SGSM1: variants seen among roughly 807,000 people sequenced by gnomAD.
SGSM1 encodes small G protein signaling modulator 1.
SGSM1 carries 73 observed loss-of-function variants against 133.8 expected under a neutral mutation model. That is an observed-to-expected ratio of 0.55 (90% CI 0.45 to 0.66). The LOEUF (loss-of-function observed/expected upper bound fraction) is 0.66. Among genes scored for constraint, SGSM1 ranks in the 30% least tolerant of loss-of-function variants. The probability of loss-of-function intolerance (pLI) is 0.00; values close to 1 mark genes in which losing one functional copy is unlikely to be tolerated. For synonymous variants in SGSM1, 563 were observed against 573.0 expected (o/e 0.98, Z 0.25); for missense variants, 1,213 against 1,448.1 (o/e 0.84, Z 2.64).
chr22:24,901,198 T>C (rs1933148833), intron 19 of SGSM1: 1 of 152,140 alleles, frequency 6.6e-6, no homozygotes. Flanking sequence ...GGATGAAAAA[T>C]ATTGCTGTCA....
At chr22:24,874,608 G>A in intron 12 of SGSM1, 2 of 1,549,572 alleles carry the variant, frequency 1.3e-6, no homozygotes, top group East Asian at 2.4e-5. Context: ...CCGTCCCCAG[G>A]GGCTGGGTGC....
chr22:24,889,052 C>G (rs139725), intron 16 of SGSM1, among the ~76,000 whole-genome samples: 26,552 of 149,924 alleles, frequency 0.18, 2,437 homozygotes, highest in Middle Eastern at 0.26. Flanking sequence ...ACCTCCACCT[C>G]CCAGGTTCAA....
In SGSM1 at chr22:24,867,074, A is replaced by G. The variant is rs538500474; in HGVS notation, c.927-19A>G. 40 of 1,612,036 alleles carry G rather than the reference A, an allele frequency of 2.5e-5. No homozygotes were observed. The highest frequency in any genetic ancestry group is 3.3e-5 in the Non-Finnish European group (39 of 1,179,354). Reference sequence around the variant, plus strand: ...GGTAGGCAGAAGTCCTGCAAGCCTGACCCTCCGTCCGCTTCCAGCGTCTAC... The same window carrying G: ...GGTAGGCAGAAGTCCTGCAAGCCTGGCCCTCCGTCCGCTTCCAGCGTCTAC... On this transcript the variant is annotated intron_variant, in intron 9 of 24. Coordinates refer to ENST00000400358, the MANE Select transcript of SGSM1 (RefSeq NM_001098497.3).
At chr22:24,811,774 C>T (rs1330364365) in intron 2 of SGSM1, among the ~76,000 whole-genome samples, 1 of 150,794 alleles carries the variant, frequency 6.6e-6, no homozygotes, top group Non-Finnish European at 1.5e-5. Flanking sequence ...GAGGCTGAGG[C>T]AGGAGGATCC....
At chr22:24,896,609 TTTA>T (rs1020621542) in intron 18 of SGSM1, among the ~76,000 whole-genome samples, 5 of 150,084 alleles carry the variant, frequency 3.3e-5, no homozygotes, top group Non-Finnish European at 5.9e-5. Context: ...ATAGGGTTTT[TTTA>T]TTTTTTGTTT....
At chr22:24,807,788 C>T (rs1018044710) in intron 2 of SGSM1, among the ~76,000 whole-genome samples, 1 of 151,900 alleles carries the variant, frequency 6.6e-6, no homozygotes, top group African/African-American at 2.4e-5. Context: ...CACTGATGAC[C>T]CCTCCTTCCC....
intron 4 of SGSM1, among the ~76,000 whole-genome samples, 185 bp from the exon 5 acceptor site, chr22:24,850,095 C>T (rs1335913756): frequency 6.6e-6 from 1 of 152,172 alleles, no homozygotes; most frequent in Non-Finnish European, 1.5e-5. Flanking sequence ...ACCACATCTG[C>T]ACACTCACTG....
Position 24,867,132 on chromosome 22 carries a change from G to C in SGSM1, c.966G>C (p.Glu322Asp), listed in dbSNP as rs1309412424. The C allele has an allele frequency of 1.2e-6, 2 of 1,613,792 alleles. No homozygotes were observed. Among genetic ancestry groups the C allele is most frequent in the Non-Finnish European group, 1.7e-6 (2 of 1,179,894 alleles). ...ATGCCATGACCATCCGCTTGGAGGA[G>C]ATTGTCTACCTGCACTGCCACCAGC... ...WDYAMTIRLE[E>D]IVYLHCHQQV... The change falls in exon 10 of 25, where the codon GAG (glutamate) becomes GAC (aspartate). Residue 322 changes from glutamate to aspartate, a missense_variant. Glu to Asp is a conservative substitution (Grantham distance 45). Transcript: ENST00000400358.
rs143659758 is a variant in SGSM1 at position 24,837,137 on chromosome 22, G to A, written c.64-7760G>A. ...CGGGGGACCACTACCACCAATGCAC[G>A]GAGACCGGTAGTGGCCCCAAATGTC... On this transcript the variant is annotated intron_variant, in intron 2 of 24. Transcript: ENST00000400358. 8.8e-3 allele frequency among the ~76,000 whole-genome samples: 1,341 copies of A among 152,234 alleles called. 18 individuals carry two copies. Among genetic ancestry groups the A allele is most frequent in the African/African-American group, 0.03 (1,228 of 41,536 alleles).
chr22:24,903,325 C>G (rs1375111642), intron 20 of SGSM1, among the ~76,000 whole-genome samples: 7 of 151,808 alleles, frequency 4.6e-5, no homozygotes, highest in Non-Finnish European at 1.0e-4. Flanking sequence ...TCTCCTACCT[C>G]AGCCTCCCGA....
At chr22:24,868,951 T>C (rs1931619232) in intron 12 of SGSM1, 96 bp downstream of exon 12, 1 of 1,513,674 alleles carries the variant, frequency 6.6e-7, no homozygotes, top group Non-Finnish European at 8.9e-7. Context: ...AGGTCTGGAT[T>C]CTGGGGCTAA....
At chr22:24,837,084 A>G (rs1395419825) in intron 2 of SGSM1, among the ~76,000 whole-genome samples, 6 of 152,178 alleles carry the variant, frequency 3.9e-5, no homozygotes, top group Non-Finnish European at 7.3e-5. Context: ...ACACAAGACA[A>G]AGAGACAAGA....
intron 2 of SGSM1, among the ~76,000 whole-genome samples, chr22:24,832,997 C>T (rs1304493494): frequency 1.3e-5 from 2 of 151,316 alleles, no homozygotes; most frequent in Admixed American, 6.6e-5. Flanking sequence ...GACAGTGGCG[C>T]GATCTTGGCT....
chr22:24,881,249 T>G, intron 14 of SGSM1, among the ~76,000 whole-genome samples: 2 of 133,810 alleles, frequency 1.5e-5, no homozygotes, highest in Non-Finnish European at 3.1e-5. Context: ...CCTAGGGTTG[T>G]GGGGAGAATG....
rs889410375 is a variant in SGSM1, at chr22:24,818,265, C to CA, written c.63+11787dup. 2.1e-3 allele frequency among the ~76,000 whole-genome samples: 315 copies of CA among 151,404 alleles called. 1 individual carries two copies. Among genetic ancestry groups the CA allele is most frequent in the African/African-American group, 6.9e-3 (285 of 41,098 alleles). On this transcript the variant is annotated intron_variant, in intron 2 of 24. Coordinates refer to ENST00000400358, the MANE Select transcript of SGSM1 (RefSeq NM_001098497.3). ...AAAAAATAAAATAAAATAAAACAAACAAAAAACAGTACTAATCCCATCCAA... is the reference window on the plus strand; with the variant it reads ...AAAAAATAAAATAAAATAAAACAAACAAAAAAACAGTACTAATCCCATCCAA...
At position 24,901,895 on chromosome 22, in the gene SGSM1, C is replaced by T. The variant is rs577535941; in HGVS notation, c.2673C>T (p.Cys891=). 1.3e-5 allele frequency: 21 copies of T among 1,608,516 alleles called. No individual in the cohort carries two copies. The highest frequency in any genetic ancestry group is 2.7e-5 in the African/African-American group (2 of 74,760). The stretch of plus-strand genomic sequence containing the variant: ...GCATCGAGAAGGATGTGCAGAGGTG[C>T]GACCGCAACTACTGGTACTTCACGC... ...LHRIEKDVQR[C]DRNYWYFTPA... Residue 891 remains cysteine, a synonymous_variant, in exon 20 of 25, where the codon TGC becomes TGT. Transcript: ENST00000400358.
At chr22:24,811,355 C>T (rs752000891) in intron 2 of SGSM1, among the ~76,000 whole-genome samples, 6 of 152,114 alleles carry the variant, frequency 3.9e-5, no homozygotes, top group East Asian at 3.9e-4. Flanking sequence ...TAATTTGATA[C>T]GAATGTACTG....
In SGSM1 at chr22:24,886,721, G is replaced by C. The variant is rs199841996; in HGVS notation, c.1763G>C (p.Arg588Thr). ...CAGTTCGGGATGACGGAAACAGAAAGGAAAGAGGTCGGTTACCTGCCATGG... is the reference window on the plus strand; with the variant it reads ...CAGTTCGGGATGACGGAAACAGAAACGAAAGAGGTCGGTTACCTGCCATGG... ...HYQFGMTETE[R>T]KEVDEQIHAC... The change falls in exon 16 of 25, where the codon AGG becomes ACG. Residue 588 changes from arginine (R) to threonine (T), a missense_variant. Arg to Thr is a moderately conservative substitution (Grantham distance 71, BLOSUM62 -1). Transcript: ENST00000400358. 520 of 1,585,458 alleles carry C rather than the reference G, an allele frequency of 3.3e-4. No individual in the cohort carries two copies. The highest frequency in any genetic ancestry group is 4.1e-4 in the Non-Finnish European group (481 of 1,166,194).
chr22:24,922,751 C>T (rs1934057872), intron 24 of SGSM1, among the ~76,000 whole-genome samples: 1 of 152,234 alleles, frequency 6.6e-6, no homozygotes, highest in African/African-American at 2.4e-5. Flanking sequence ...TCTGGGATTA[C>T]AGGCGTGAGC....
Sources: allele counts gnomAD v4.1 joint callset (sites outside exome capture counted in the v4.1 genomes callset), GRCh38; gene constraint gnomAD v4.1.1; transcripts MANE v1.5; gene names NCBI Gene and HGNC (gene_info 2026-07-23, HGNC 2026-07-21).